The following CEP350 variants were observed in gnomAD, a reference collection of about 807,000 sequenced individuals.
CEP350 encodes the protein centrosome-associated protein 350.
A neutral mutation model predicts 331.8 loss-of-function variants in CEP350; 126 were observed. The ratio of observed to expected loss-of-function variants is 0.38; its 90% confidence interval spans 0.33 to 0.44. CEP350 has a LOEUF of 0.44. Ranked by LOEUF, CEP350 falls within the 20% of genes least tolerant of loss-of-function variation. The probability of loss-of-function intolerance (pLI) is 1.00; values close to 1 mark genes in which losing one functional copy is unlikely to be tolerated. For missense variants in CEP350, 3,406 were observed against 3,634.6 expected (o/e 0.94, Z 1.62); for synonymous variants, 1,200 against 1,259.5 (o/e 0.95, Z 1.00).
Position 180,020,754 on chromosome 1 carries a change from T to G in CEP350, c.2980T>G (p.Ser994Ala), listed in dbSNP as rs200418469. 6.2e-7 allele frequency: 1 copy of G among 1,614,014 alleles called. No individual in the cohort carries two copies. The highest frequency in any genetic ancestry group is 1.3e-5 in the African/African-American group (1 of 75,040). The change falls in exon 12 of 38, where the codon TCT becomes GCT. Residue 994 changes from serine to alanine, a missense_variant. Transcript: ENST00000367607. ...EGPLLSEGSLSEEEGDQDGQP... is the reference protein window; with the variant it reads ...EGPLLSEGSLAEEEGDQDGQP... ...GCCTCTTCTTAGTGAGGGGAGTCTCTCTGAAGAAGAGGGAGACCAGGATGG... is the reference window on the plus strand; with the variant it reads ...GCCTCTTCTTAGTGAGGGGAGTCTCGCTGAAGAAGAGGGAGACCAGGATGG...
At chr1:180,039,333 G>T (rs1029670737) in intron 17 of CEP350, among the ~76,000 whole-genome samples, 4 of 151,696 alleles carry the variant, frequency 2.6e-5, no homozygotes, top group Admixed American at 6.6e-5. Context: ...GGAACGGAAA[G>T]AAAGGAATCC....
At chr1:180,084,319 A>G (rs1033223634) in intron 31 of CEP350, 141 bp downstream of exon 31, 1 of 664,006 alleles carries the variant, frequency 1.5e-6, no homozygotes, top group African/African-American at 1.9e-5. Flanking sequence ...CTTAAAAAAA[A>G]TCTGAGGGTA....
chr1:179,963,819 T>A (rs765916537), intron 1 of CEP350, among the ~76,000 whole-genome samples: 15 of 152,130 alleles, frequency 9.9e-5, no homozygotes, highest in Non-Finnish European at 1.8e-4. Context: ...GGCTCTTTTT[T>A]GGTTCCATAT....
chr1:180,011,180 T>C (rs575403049), intron 8 of CEP350, among the ~76,000 whole-genome samples: 1 of 152,228 alleles, frequency 6.6e-6, no homozygotes, highest in Non-Finnish European at 1.5e-5. Flanking sequence ...TGTTACTGTT[T>C]TGTACATAGA....
intron 6 of CEP350, among the ~76,000 whole-genome samples, chr1:180,000,208 A>C (rs895265995): frequency 1.1e-4 from 16 of 152,238 alleles, no homozygotes; most frequent in African/African-American, 2.4e-5. Context: ...ATGCAAAGAA[A>C]GACTCTCATA....
chr1:180,042,167 C>CACACACACACACACAT (rs3223192), intron 19 of CEP350, among the ~76,000 whole-genome samples: 3 of 150,198 alleles, frequency 2.0e-5, no homozygotes, highest in African/African-American at 7.4e-5. Flanking sequence ...CACACACACA[C>CACACACACACACACAT]ATCTCCCTAT....
At chr1:180,029,760 A>G (rs949962440) in intron 14 of CEP350, among the ~76,000 whole-genome samples, 4 of 152,102 alleles carry the variant, frequency 2.6e-5, no homozygotes, top group African/African-American at 9.7e-5. Flanking sequence ...CATGATCACT[A>G]TCTATCTCCA....
At chr1:180,004,474 T>A (rs1465564865) in intron 7 of CEP350, among the ~76,000 whole-genome samples, 1 of 152,216 alleles carries the variant, frequency 6.6e-6, no homozygotes, top group African/African-American at 2.4e-5. Context: ...TGCTGTTATA[T>A]CAGTCATTGT....
chr1:180,017,338 T>C (rs1019286642), intron 11 of CEP350, among the ~76,000 whole-genome samples: 1 of 152,220 alleles, frequency 6.6e-6, no homozygotes, highest in African/African-American at 2.4e-5. Context: ...CTTAACATTT[T>C]TGTTTTGAAT....
chr1:180,034,214 T>C (rs1656203280), intron 16 of CEP350, 132 bp downstream of exon 16: 7 of 1,163,452 alleles, frequency 6.0e-6, no homozygotes, highest in Non-Finnish European at 5.9e-6. Flanking sequence ...TTTTCAAGTA[T>C]TAAAAACTGC....
In CEP350 at chr1:180,113,186, A is replaced by G. The variant is rs1397505391; in HGVS notation, c.*2025A>G. ...GAAGACAGAAAAACATCTTGTCTACATCCTTTGGCTGTTTGTAGGATCACG... is the reference window on the plus strand; with the variant it reads ...GAAGACAGAAAAACATCTTGTCTACGTCCTTTGGCTGTTTGTAGGATCACG... On this transcript the variant is annotated 3_prime_UTR_variant, in exon 38 of 38. Coordinates refer to ENST00000367607, the MANE Select transcript of CEP350 (RefSeq NM_014810.5). 1 of 152,598 alleles carries G rather than the reference A, an allele frequency of 6.6e-6. No individual in the cohort carries two copies. Among genetic ancestry groups the G allele is most frequent in the Non-Finnish European group, 1.5e-5 (1 of 68,036 alleles). 9.5% of individuals were successfully genotyped at this position (152,598 alleles called of 1,614,324 possible).
chr1:179,976,383 C>G (rs1295089345), intron 1 of CEP350, among the ~76,000 whole-genome samples: 1 of 152,062 alleles, frequency 6.6e-6, no homozygotes, highest in Non-Finnish European at 1.5e-5. Flanking sequence ...CCAGAGAAAA[C>G]CCTGCACACA....
At chr1:180,014,893 G>C (rs1480206660) in intron 10 of CEP350, among the ~76,000 whole-genome samples, 2 of 152,152 alleles carry the variant, frequency 1.3e-5, no homozygotes, top group Non-Finnish European at 2.9e-5. Flanking sequence ...CTAATAGCCA[G>C]CTGTTGACTG....
chr1:179,996,241 G>A (rs1653451523), intron 5 of CEP350, among the ~76,000 whole-genome samples: 1 of 151,772 alleles, frequency 6.6e-6, no homozygotes, highest in South Asian at 2.1e-4. Context: ...TTTATTTTTT[G>A]GTTTCTAATG....
At chr1:179,977,918 T>A (rs968518151) in intron 1 of CEP350, among the ~76,000 whole-genome samples, 23 of 151,132 alleles carry the variant, frequency 1.5e-4, no homozygotes, top group Admixed American at 7.2e-4. Flanking sequence ...TTTATGTTTT[T>A]ACTTTTTATA....
At chr1:179,988,353 G>A (rs1378786028) in intron 3 of CEP350, among the ~76,000 whole-genome samples, 1 of 151,574 alleles carries the variant, frequency 6.6e-6, no homozygotes, top group Non-Finnish European at 1.5e-5. Flanking sequence ...TGTCTATGTA[G>A]AAAGCTCATT....
rs201741976 is a variant in CEP350 at position 180,041,849 on chromosome 1, T to C, written c.4362+47T>C. ...TCTCTTTTTACTTCTTTTTAGTCAA[T>C]CTGAGTAACTTTGATCTTCAGTAAT... On this transcript the variant is annotated intron_variant, in intron 19 of 37. Transcript: ENST00000367607. 2.6e-6 allele frequency: 4 copies of C among 1,545,600 alleles called. No homozygotes were observed. In the African/African-American group the frequency reaches 5.4e-5, roughly 21 times the overall value.
In CEP350 at chr1:180,041,151, G is replaced by T. The variant is rs754615992; in HGVS notation, c.4124G>T (p.Arg1375Leu). ...ATTATTTTGAAGGCACAACAGCAACGCCATGAAAGAGACTTGGCCCTCTTG... is the reference window on the plus strand; with the variant it reads ...ATTATTTTGAAGGCACAACAGCAACTCCATGAAAGAGACTTGGCCCTCTTG... ...LAQIIKAQQQ[R>L]HERDLALLKL... Residue 1375 changes from arginine (R) to leucine (L), a missense_variant, in exon 18 of 38, where the codon CGC (arginine) becomes CTC (leucine). Transcript: ENST00000367607. 157 of 1,592,872 alleles carry T rather than the reference G, an allele frequency of 9.9e-5. 5 individuals carry two copies. In the South Asian group the frequency reaches 1.8e-3, roughly 18 times the overall value.
At chr1:179,961,121 T>A (rs1182817896) in intron 1 of CEP350, among the ~76,000 whole-genome samples, 1 of 152,214 alleles carries the variant, frequency 6.6e-6, no homozygotes, top group Admixed American at 6.5e-5. Context: ...ATATAATGAA[T>A]CAAAAGTTTC....
Sources: allele counts gnomAD v4.1 joint callset (sites outside exome capture counted in the v4.1 genomes callset), GRCh38; gene constraint gnomAD v4.1.1; transcripts MANE v1.5; gene names NCBI Gene and HGNC (gene_info 2026-07-23, HGNC 2026-07-21).